Variants in MDM1 observed in about 807,000 individuals in gnomAD.
MDM1 encodes Mdm1 nuclear protein.
MDM1 carries 61 observed loss-of-function variants against 89.1 expected under a neutral mutation model. The observed-to-expected ratio is 0.68, with a 90% CI of 0.56 to 0.85. MDM1 has a LOEUF of 0.85. MDM1 is among the 40% of genes least tolerant of loss of function. The pLI is 0.00. For synonymous variants in MDM1, 290 were observed against 294.1 expected, an observed-to-expected ratio of 0.99 and a Z score of 0.14; for missense variants, 820 against 846.5, an observed-to-expected ratio of 0.97 and a Z score of 0.39.
intron 13 of MDM1, among the ~76,000 whole-genome samples, chr12:68,299,480 CT>C (rs1405614277): frequency 2.6e-5 from 4 of 152,046 alleles, no homozygotes; most frequent in Admixed American, 1.3e-4. Flanking sequence ...AAAAAACACA[CT>C]TAGAGAAATA....
At chr12:68,323,913 G>T (rs1592987487) in intron 4 of MDM1, among the ~76,000 whole-genome samples, 1 of 152,082 alleles carries the variant, frequency 6.6e-6, no homozygotes, top group African/African-American at 2.4e-5. Context: ...TAACCTCAAG[G>T]ACTTTACTGC....
intron 12 of MDM1, among the ~76,000 whole-genome samples, chr12:68,312,301 G>A (rs942772623): frequency 3.9e-5 from 6 of 152,150 alleles, no homozygotes; most frequent in Non-Finnish European, 7.4e-5. Context: ...AATTTAGAGT[G>A]TCCAGAACGG....
At chr12:68,313,778 T>C (rs767509032) in intron 10 of MDM1, 25 bp from the exon 11 acceptor site, 2 of 1,493,978 alleles carry the variant, frequency 1.3e-6, no homozygotes, top group South Asian at 2.3e-5. Context: ...AATCTATGAA[T>C]CTATACAGCA....
chr12:68,302,579 CTT>C (rs769953314), intron 13 of MDM1, 39 bp downstream of exon 13: 14 of 1,549,238 alleles, frequency 9.0e-6, no homozygotes, highest in Non-Finnish European at 1.2e-5. Context: ...CAGCATAACA[CTT>C]TATTTTAAAA....
intron 5 of MDM1, among the ~76,000 whole-genome samples, chr12:68,322,789 T>C (rs189509274): frequency 2.6e-5 from 4 of 152,360 alleles, no homozygotes; most frequent in Admixed American, 2.0e-4. Flanking sequence ...CTAAACTTAT[T>C]AGACTTACTT....
intron 13 of MDM1, among the ~76,000 whole-genome samples, chr12:68,299,619 CCAAT>C (rs1398197637): frequency 2.0e-5 from 3 of 151,746 alleles, no homozygotes; most frequent in Non-Finnish European, 4.4e-5. Flanking sequence ...TCGAATTAAC[CCAAT>C]CAAACAAAAA....
chr12:68,332,351 C>A lies in MDM1; in HGVS notation c.-106G>T. ...CCCTAGCAAAGCCTCGGCCCGGCGTCCCCGACTACGCGCCGGCGCACTCCG... is the reference window on the plus strand; with the variant it reads ...CCCTAGCAAAGCCTCGGCCCGGCGTACCCGACTACGCGCCGGCGCACTCCG... On this transcript the variant is annotated 5_prime_UTR_variant, in exon 1 of 15. Coordinates refer to ENST00000682720, the MANE Select transcript of MDM1 (RefSeq NM_001354969.2). 1 of 1,365,208 alleles carries A rather than the reference C, an allele frequency of 7.3e-7. No individual in the cohort carries two copies. The highest frequency in any genetic ancestry group is 9.8e-7 in the Non-Finnish European group (1 of 1,020,134). 84.6% of individuals were successfully genotyped at this position (1,365,208 alleles called of 1,614,324 possible).
intron 9 of MDM1, among the ~76,000 whole-genome samples, 168 bp from the exon 10 acceptor site, chr12:68,315,433 AAAAT>A (rs1456142896): frequency 6.6e-6 from 1 of 152,202 alleles, no homozygotes; most frequent in African/African-American, 2.4e-5. Context: ...GTTTTATAGC[AAAAT>A]AAATGAAAGT....
intron 12 of MDM1, among the ~76,000 whole-genome samples, chr12:68,307,306 G>A (rs954111430): frequency 2.0e-5 from 3 of 152,158 alleles, no homozygotes; most frequent in South Asian, 2.1e-4. Flanking sequence ...ATATACCAAT[G>A]TAACAAACTT....
chr12:68,327,469 T>C (rs1404559277), intron 2 of MDM1: 3 of 1,535,922 alleles, frequency 2.0e-6, no homozygotes, highest in Non-Finnish European at 2.6e-6. Flanking sequence ...AGGGATGAGA[T>C]GTCACTGTGC....
At chr12:68,298,648 T>G (rs1229923475) in intron 13 of MDM1, among the ~76,000 whole-genome samples, 1 of 152,112 alleles carries the variant, frequency 6.6e-6, no homozygotes, top group Non-Finnish European at 1.5e-5. Flanking sequence ...TCTACTTGGA[T>G]AGCATTCTCA....
chr12:68,322,348 G>A lies in MDM1; in HGVS notation c.802-720C>T, dbSNP rs577062993. Among the ~76,000 whole-genome samples the A allele has an allele frequency of 3.9e-5, 6 of 152,302 alleles. No homozygotes were observed. In the South Asian group the frequency reaches 1.2e-3, roughly 32 times the overall value. ...TAAAGCTTTGGTTTAAAATACATGT[G>A]ATGGCCGGGTGTGGTGGCTCACACC... On this transcript the variant is annotated intron_variant, in intron 5 of 14. Transcript: ENST00000682720.
chr12:68,311,571 A>G (rs1592964449), intron 12 of MDM1, among the ~76,000 whole-genome samples: 1 of 152,114 alleles, frequency 6.6e-6, no homozygotes, highest in African/African-American at 2.4e-5. Flanking sequence ...TCTAAAGCCA[A>G]CCCTTCCATA....
intron 3 of MDM1, chr12:68,326,386 T>G (rs1489716767): frequency 1.4e-6 from 2 of 1,438,562 alleles, no homozygotes; most frequent in African/African-American, 2.9e-5. Flanking sequence ...AGGACTCAGG[T>G]GCTAATATAT....
chr12:68,313,303 T>A, intron 12 of MDM1, 140 bp downstream of exon 12: 1 of 634,814 alleles, frequency 1.6e-6, no homozygotes, highest in Non-Finnish European at 2.7e-6. Flanking sequence ...GCCTTTTGCC[T>A]TACTAAAAGC....
chr12:68,300,983 C>T (rs758029887), intron 13 of MDM1, among the ~76,000 whole-genome samples: 1 of 152,098 alleles, frequency 6.6e-6, no homozygotes, highest in Non-Finnish European at 1.5e-5. Context: ...GGGAATAAAA[C>T]TAGAAATCAA....
intron 7 of MDM1, among the ~76,000 whole-genome samples, chr12:68,317,891 A>T (rs1055362936): frequency 6.6e-6 from 1 of 152,170 alleles, no homozygotes; most frequent in Non-Finnish European, 1.5e-5. Flanking sequence ...CATCACCTAC[A>T]TGCCTCAGCA....
At chr12:68,327,749 GA>G (rs1876221966) in intron 2 of MDM1, among the ~76,000 whole-genome samples, 1 of 152,162 alleles carries the variant, frequency 6.6e-6, no homozygotes, top group Admixed American at 6.5e-5. Context: ...AATTGGGCAT[GA>G]GGTAAAACCC....
chr12:68,316,972 T>C (rs1874582062), intron 7 of MDM1, among the ~76,000 whole-genome samples: 1 of 152,122 alleles, frequency 6.6e-6, no homozygotes, highest in Admixed American at 6.5e-5. Flanking sequence ...GGGAGATGAA[T>C]GAGGTTATGA....
Sources: allele counts gnomAD v4.1 joint callset (sites outside exome capture counted in the v4.1 genomes callset), GRCh38; gene constraint gnomAD v4.1.1; transcripts MANE v1.5; gene names NCBI Gene and HGNC (gene_info 2026-07-23, HGNC 2026-07-21).